IL1R2: variants seen among roughly 807,000 people sequenced by gnomAD.
The protein encoded by IL1R2 is interleukin 1 receptor type 2.
In IL1R2, 46 loss-of-function variants were observed where a neutral mutation model predicts 39.5. The observed-to-expected ratio is 1.16, with a 90% CI of 0.92 to 1.49. The LOEUF is 1.49. Among genes scored for constraint, IL1R2 ranks in the 40% most tolerant of loss-of-function variants. The pLI is 0.00. For synonymous variants in IL1R2, 207 were observed against 189.6 expected (o/e 1.09, Z -0.75); for missense variants, 537 against 502.0 (o/e 1.07, Z -0.67).
chr2:101,992,230 CAGAA>C (rs1269084215), intron 1 of IL1R2, among the ~76,000 whole-genome samples: 2 of 147,512 alleles, frequency 1.4e-5, no homozygotes, highest in Non-Finnish European at 1.5e-5. Context: ...GAAACAGAGA[CAGAA>C]AGAGGCAGAG....
chr2:102,024,044 A>G (rs927237369), intron 6 of IL1R2, among the ~76,000 whole-genome samples: 7 of 142,940 alleles, frequency 4.9e-5, no homozygotes, highest in African/African-American at 1.9e-4. Flanking sequence ...GCGAGACTCC[A>G]TCTCAAAAAC....
intron 1 of IL1R2, among the ~76,000 whole-genome samples, chr2:102,002,310 GTGTC>G (rs201310785): frequency 0.11 from 16,964 of 149,644 alleles, 1,058 homozygotes; most frequent in East Asian, 0.3. Flanking sequence ...GTCTGTGTCT[GTGTC>G]TGTGTCTGTG....
At position 102,024,673 on chromosome 2, in the gene IL1R2, G is replaced by A; in HGVS notation, c.887+5G>A. On this transcript the variant is annotated splice_donor_5th_base_variant and intron_variant, in intron 7 of 8. Coordinates refer to ENST00000332549, the MANE Select transcript of IL1R2 (RefSeq NM_004633.4). ...CGTGACCGAGGGGCCACGCCAGTAAGTGGGCCAGGGTCTTCTGTTGAGAAC... is the reference window on the plus strand; with the variant it reads ...CGTGACCGAGGGGCCACGCCAGTAAATGGGCCAGGGTCTTCTGTTGAGAAC... 1 of 1,614,168 alleles carries A rather than the reference G, an allele frequency of 6.2e-7. No individual in the cohort carries two copies. The highest frequency in any genetic ancestry group is 8.5e-7 in the Non-Finnish European group (1 of 1,180,008).
chr2:102,011,406 A>G (rs900107913), intron 3 of IL1R2, among the ~76,000 whole-genome samples: 6 of 152,158 alleles, frequency 3.9e-5, no homozygotes, highest in Non-Finnish European at 8.8e-5. Context: ...GTTATTTTCT[A>G]TTATTTTTGA....
chr2:102,015,166 A>G (rs1292619056), intron 3 of IL1R2, among the ~76,000 whole-genome samples: 1 of 152,144 alleles, frequency 6.6e-6, no homozygotes, highest in Non-Finnish European at 1.5e-5. Context: ...CAATCTCTGC[A>G]TGTGGATATG....
At position 102,026,229 on chromosome 2, in the gene IL1R2, A is replaced by G. The variant is rs1215328853; in HGVS notation, c.1006A>G (p.Thr336Ala). The G allele has an allele frequency of 6.2e-7, 1 of 1,613,240 alleles. No homozygotes were observed. Among genetic ancestry groups the G allele is most frequent in the Non-Finnish European group, 8.5e-7 (1 of 1,179,598 alleles). ...TGTCCATAATACCCTGAGTTTTCAG[A>G]CACTACGCACCACAGTCAAGGAAGG... is the stretch of plus-strand genomic sequence containing the variant. Reference protein sequence around the residue: ...CVVHNTLSFQTLRTTVKEASS... With the variant: ...CVVHNTLSFQALRTTVKEASS... The change falls in exon 8 of 9, where the codon ACA (threonine) becomes GCA (alanine). Residue 336 changes from threonine (T) to alanine (A), a missense_variant. Transcript: ENST00000332549.
At chr2:102,009,355 G>A (rs146820084) in intron 2 of IL1R2, among the ~76,000 whole-genome samples, 32 of 152,192 alleles carry the variant, frequency 2.1e-4, no homozygotes, top group Admixed American at 2.1e-3. Flanking sequence ...TTGTTATTTG[G>A]AAATTTTGAA....
intron 3 of IL1R2, among the ~76,000 whole-genome samples, chr2:102,011,647 T>A (rs1173118235): frequency 6.6e-6 from 1 of 152,238 alleles, no homozygotes; most frequent in Non-Finnish European, 1.5e-5. Flanking sequence ...TCCTGGTTAT[T>A]AACCCCTTGC....
intron 6 of IL1R2, among the ~76,000 whole-genome samples, chr2:102,022,773 G>A (rs1034401013): frequency 6.6e-6 from 1 of 152,210 alleles, no homozygotes; most frequent in Non-Finnish European, 1.5e-5. Flanking sequence ...TTCACTCCAT[G>A]TGGTACAGTC....
intron 3 of IL1R2, among the ~76,000 whole-genome samples, chr2:102,015,464 T>A (rs1407263058): frequency 6.6e-6 from 1 of 152,226 alleles, no homozygotes; most frequent in Non-Finnish European, 1.5e-5. Flanking sequence ...ATAAACCCAT[T>A]GTAAGTTGGA....
chr2:102,023,938 C>T (rs3218968), intron 6 of IL1R2, among the ~76,000 whole-genome samples: 1 of 151,858 alleles, frequency 6.6e-6, no homozygotes, highest in Non-Finnish European at 1.5e-5. Context: ...GGTCCCAGCT[C>T]CTCGGGGCGC....
Position 102,028,404 on chromosome 2 carries a change from T to C in IL1R2, c.*12T>C, listed in dbSNP as rs184553307. 87 of 1,574,862 alleles carry C rather than the reference T, an allele frequency of 5.5e-5. No homozygotes were observed. The highest frequency in any genetic ancestry group is 3.7e-4 in the South Asian group (32 of 85,772). ...CCTATCCCAAGTGAAATAAATGGAA[T>C]GAAATAATTCAAACACAAACTCCGT... On this transcript the variant is annotated 3_prime_UTR_variant, in exon 9 of 9. Coordinates refer to ENST00000332549, the MANE Select transcript of IL1R2 (RefSeq NM_004633.4).
At chr2:101,999,571 A>G (rs1373751601) in intron 1 of IL1R2, among the ~76,000 whole-genome samples, 2 of 152,220 alleles carry the variant, frequency 1.3e-5, no homozygotes, top group African/African-American at 2.4e-5. Context: ...GCTCAAATCC[A>G]GATTGACTTA....
chr2:101,995,491 CGATA>C (rs1448573451), intron 1 of IL1R2, among the ~76,000 whole-genome samples: 3 of 152,156 alleles, frequency 2.0e-5, no homozygotes, highest in African/African-American at 7.2e-5. Context: ...ACAGCCCAAA[CGATA>C]CCTTGATTTC....
chr2:102,007,840 G>A (rs760323433), intron 1 of IL1R2, among the ~76,000 whole-genome samples: 36 of 152,198 alleles, frequency 2.4e-4, no homozygotes, highest in African/African-American at 5.1e-4. Flanking sequence ...ATATGATAAG[G>A]TAAACATAGA....
At chr2:102,024,811 G>GT in intron 7 of IL1R2, 143 bp downstream of exon 7, 1 of 1,054,828 alleles carries the variant, frequency 9.5e-7, no homozygotes, top group Non-Finnish European at 1.3e-6. Flanking sequence ...TTAAAAAATT[G>GT]TATTTTGCTA....
At chr2:101,997,069 G>T (rs1398587605) in intron 1 of IL1R2, among the ~76,000 whole-genome samples, 1 of 152,182 alleles carries the variant, frequency 6.6e-6, no homozygotes, top group East Asian at 1.9e-4. Context: ...GGGGGACATT[G>T]TGTCCCCAGG....
In IL1R2 at chr2:102,003,555, TGTGTCTGTGTCG is replaced by T. The variant is rs1156276453; in HGVS notation, c.-61-4941_-61-4930del. On this transcript the variant is annotated intron_variant, in intron 1 of 8. Coordinates refer to ENST00000332549, the MANE Select transcript of IL1R2 (RefSeq NM_004633.4). ...GTCTGTGTCTGGCTGTGGCTGTGGC[TGTGTCTGTGTCG>T]GTGTCTGTGTCGGTGTCTAGGCCTA... Among the ~76,000 whole-genome samples the T allele has an allele frequency of 3.3e-3, 352 of 106,124 alleles. 1 individual carries two copies. Among genetic ancestry groups the T allele is most frequent in the African/African-American group, 7.7e-3 (141 of 18,214 alleles). 69.6% of individuals were successfully genotyped at this position (106,124 alleles called of 152,430 possible).
At chr2:101,996,413 T>C (rs1351040230) in intron 1 of IL1R2, among the ~76,000 whole-genome samples, 1 of 151,408 alleles carries the variant, frequency 6.6e-6, no homozygotes, top group African/African-American at 2.4e-5. Context: ...AAGTTGAAGA[T>C]CAGGTTTTCT....
Sources: gnomAD v4.1 joint callset for allele counts (sites outside exome capture counted in the v4.1 genomes callset) on GRCh38, gnomAD v4.1.1 for gene constraint, MANE v1.5 for transcripts, NCBI Gene and HGNC (gene_info 2026-07-23, HGNC 2026-07-21) for gene names.